Variants in STK38L observed in about 807,000 individuals in gnomAD.
STK38L encodes serine/threonine-protein kinase 38-like.
Under a neutral mutation model 59.7 loss-of-function variants are expected in STK38L, and 28 were observed. The ratio of observed to expected loss-of-function variants is 0.47; its 90% CI spans 0.35 to 0.64. The LOEUF (loss-of-function observed/expected upper bound fraction) is 0.64, where lower values mean the gene tolerates loss of function less well. Ranked by LOEUF, STK38L falls within the 30% of genes least tolerant of loss-of-function variation. The pLI is 0.01. For missense variants in STK38L, 314 were observed against 555.8 expected (o/e 0.56, Z 4.37); for synonymous variants, 162 against 176.8 (o/e 0.92, Z 0.66).
At chr12:27,256,948 T>C (rs1232791803) in intron 1 of STK38L, among the ~76,000 whole-genome samples, 5 of 152,204 alleles carry the variant, frequency 3.3e-5, no homozygotes, top group African/African-American at 1.2e-4. Context: ...TAAAGGAACA[T>C]AGGGCTTCTC....
In STK38L at chr12:27,308,324, GT is replaced by G. The variant is rs768230650; in HGVS notation, c.187-6del. ...AATTATAAAATCATCCGTTTAAATTGTTTTTTTTTAATAGAAAAAGTTACGT... is the reference window on the plus strand; with the variant it reads ...AATTATAAAATCATCCGTTTAAATTGTTTTTTTTAATAGAAAAAGTTACGT... On this transcript the variant is annotated splice_polypyrimidine_tract_variant and intron_variant, in intron 3 of 13. Coordinates refer to ENST00000389032, the MANE Select transcript of STK38L (RefSeq NM_015000.4). This position sits in a 1 kb window ranked among gnomAD's most constrained non-coding sequence, Gnocchi z 4.5. The G allele has an allele frequency of 1.6e-4, 246 of 1,501,148 alleles. No individual in the cohort carries two copies. Among genetic ancestry groups the G allele is most frequent in the African/African-American group, 4.9e-4 (34 of 70,096 alleles). The allele number at this position is 1,501,148 out of a possible 1,614,324, so 93.0% of individuals were successfully genotyped here.
chr12:27,318,026 G>A lies in STK38L; in HGVS notation c.1079+7G>A, dbSNP rs771551912. The A allele has an allele frequency of 1.9e-6, 3 of 1,613,542 alleles. No individual in the cohort carries two copies. Among genetic ancestry groups the A allele is most frequent in the Non-Finnish European group, 1.7e-6 (2 of 1,179,830 alleles). On this transcript the variant is annotated splice_region_variant and intron_variant, in intron 11 of 13. Transcript: ENST00000389032. ...CCAAGGACTTAATTCTCAGGTTAGT[G>A]GTTAAATTCCTAGAGGAGTTCATAG...
At chr12:27,276,451 GGACCAC>G (rs1943539938) in intron 1 of STK38L, among the ~76,000 whole-genome samples, 3 of 151,988 alleles carry the variant, frequency 2.0e-5, no homozygotes, top group Non-Finnish European at 4.4e-5. Context: ...GCTGTTCCCA[GGACCAC>G]GACTTCCACC....
At chr12:27,244,508 A>G (rs1321342534) in intron 1 of STK38L, among the ~76,000 whole-genome samples, 176 bp downstream of exon 1, 1 of 152,152 alleles carries the variant, frequency 6.6e-6, no homozygotes, top group Non-Finnish European at 1.5e-5. Flanking sequence ...TGGCCCTCTT[A>G]TTCCCCGGGG....
At chr12:27,268,774 GCA>G (rs1565529058) in intron 1 of STK38L, among the ~76,000 whole-genome samples, 1 of 152,104 alleles carries the variant, frequency 6.6e-6, no homozygotes, top group Non-Finnish European at 1.5e-5. Flanking sequence ...ATCCTCTCCA[GCA>G]CCTGTTGTTT....
At chr12:27,278,999 C>G (rs1943595356) in intron 1 of STK38L, among the ~76,000 whole-genome samples, 1 of 152,154 alleles carries the variant, frequency 6.6e-6, no homozygotes, top group African/African-American at 2.4e-5. Context: ...TAGGGGCCTG[C>G]CCAAATAGAT....
At position 27,317,468 on chromosome 12, in the gene STK38L, T is replaced by G. The variant is rs1360144743; in HGVS notation, c.955+15T>G. ...AATGCTAATAGGTATGTTTTATCAT[T>G]CATTTATGTACAAAATATATACATT... On this transcript the variant is annotated intron_variant, in intron 10 of 13. Transcript: ENST00000389032. 6.4e-7 allele frequency: 1 copy of G among 1,551,330 alleles called. No individual in the cohort carries two copies. The highest frequency in any genetic ancestry group is 1.7e-4 in the Middle Eastern group (1 of 5,898).
rs1944817962 is a variant in STK38L at position 27,325,414 on chromosome 12, T to TA, written c.*2963dup. 6.6e-6 allele frequency: 1 copy of TA among 152,218 alleles called. No individual in the cohort carries two copies. Among genetic ancestry groups the TA allele is most frequent in the Non-Finnish European group, 1.5e-5 (1 of 68,020 alleles). The allele number at this position is 152,218 out of a possible 1,614,324, so 9.4% of individuals were successfully genotyped here. A position where few individuals can be genotyped will look rare whatever the true frequency, so the allele number is the denominator to read the frequency against. On this transcript the variant is annotated 3_prime_UTR_variant, in exon 14 of 14. Coordinates refer to ENST00000389032, the MANE Select transcript of STK38L (RefSeq NM_015000.4). ...CATTTATTTTTGGTGTTTTATTGTATAAAACCTTAGACAATCAATCAGTCA... is the reference window on the plus strand; with the variant it reads ...CATTTATTTTTGGTGTTTTATTGTATAAAAACCTTAGACAATCAATCAGTCA...
rs2136645120 is a variant in STK38L at position 27,308,485 on chromosome 12, T to A, written c.309+24T>A. On this transcript the variant is annotated intron_variant, in intron 4 of 13. Transcript: ENST00000389032. This position sits in a 1 kb window ranked among gnomAD's most constrained non-coding sequence, Gnocchi z 4.5. ...AGGTGTGCTTCTTTTTAAAAGTCACTACTGCTGCAAATATATATCTTAAGA... is the reference window on the plus strand; with the variant it reads ...AGGTGTGCTTCTTTTTAAAAGTCACAACTGCTGCAAATATATATCTTAAGA... The A allele has an allele frequency of 6.5e-7, 1 of 1,542,558 alleles. No individual in the cohort carries two copies. Among genetic ancestry groups the A allele is most frequent in the East Asian group, 2.3e-5 (1 of 42,714 alleles).
At chr12:27,314,436 A>C in intron 6 of STK38L, 68 bp from the exon 7 acceptor site, 1 of 1,263,678 alleles carries the variant, frequency 7.9e-7, no homozygotes, top group South Asian at 2.2e-5. Flanking sequence ...AAAGCAGGAA[A>C]GCTTTTACAA....
At chr12:27,301,371 G>A (rs1944166343) in intron 2 of STK38L, among the ~76,000 whole-genome samples, 1 of 152,164 alleles carries the variant, frequency 6.6e-6, no homozygotes, top group South Asian at 2.1e-4. Flanking sequence ...CAATTCTCCT[G>A]CCTCAGCCTC....
chr12:27,306,576 G>A (rs1289284098), intron 3 of STK38L, among the ~76,000 whole-genome samples: 1 of 152,004 alleles, frequency 6.6e-6, no homozygotes, highest in African/African-American at 2.4e-5. Context: ...GCAAAAAATA[G>A]TCTTCACTAT....
intron 1 of STK38L, among the ~76,000 whole-genome samples, chr12:27,279,462 C>T (rs991198664): frequency 7.2e-5 from 11 of 151,992 alleles, no homozygotes; most frequent in Non-Finnish European, 1.5e-4. Context: ...TGGTGGCTCA[C>T]GCCTGTAATC....
Position 27,308,648 on chromosome 12 carries a change from C to G in STK38L, c.309+187C>G, listed in dbSNP as rs1323732784. ...GAGACCAGCCTGGCCAGTGAAACCC[C>G]GTCTCTATAAAAATACAAAAATTAG... is the stretch of plus-strand genomic sequence containing the variant. On this transcript the variant is annotated intron_variant, in intron 4 of 13. Coordinates refer to ENST00000389032, the MANE Select transcript of STK38L (RefSeq NM_015000.4). The surrounding 1 kb of genome is among the most constrained non-coding windows in gnomAD (Gnocchi z 4.5). Among the ~76,000 whole-genome samples, 2 of 151,720 alleles carry G rather than the reference C, an allele frequency of 1.3e-5. No homozygotes were observed. Among genetic ancestry groups the G allele is most frequent in the African/African-American group, 4.8e-5 (2 of 41,322 alleles).
intron 1 of STK38L, among the ~76,000 whole-genome samples, chr12:27,265,992 T>C (rs1943294192): frequency 6.6e-6 from 1 of 152,158 alleles, no homozygotes; most frequent in Non-Finnish European, 1.5e-5. Context: ...CTGCTACCCT[T>C]CACCAGGTAG....
At position 27,270,682 on chromosome 12, in the gene STK38L, T is replaced by A. The variant is rs117989333; in HGVS notation, c.-12+26350T>A. Among the ~76,000 whole-genome samples the A allele has an allele frequency of 8.6e-3, 1,307 of 152,142 alleles. 8 individuals are homozygous for A. The highest frequency in any genetic ancestry group is 0.014 in the Non-Finnish European group (973 of 67,982). On this transcript the variant is annotated intron_variant, in intron 1 of 13. Coordinates refer to ENST00000389032, the MANE Select transcript of STK38L (RefSeq NM_015000.4). ...CGTGAGCCACCGCACCCAGCGCTTTTAAATTTTTTTTTATGGAGACAGGGC... is the reference window on the plus strand; with the variant it reads ...CGTGAGCCACCGCACCCAGCGCTTTAAAATTTTTTTTTATGGAGACAGGGC...
At chr12:27,313,189 A>T (rs61915944) in intron 6 of STK38L, among the ~76,000 whole-genome samples, 1 of 150,544 alleles carries the variant, frequency 6.6e-6, no homozygotes. Flanking sequence ...CGGAGCTTGC[A>T]GTGAGCCGAG....
rs1944361882 is a variant in STK38L, at chr12:27,308,191, A to G, written c.187-148A>G. On this transcript the variant is annotated intron_variant, in intron 3 of 13. Coordinates refer to ENST00000389032, the MANE Select transcript of STK38L (RefSeq NM_015000.4). The surrounding 1 kb of genome is among the most constrained non-coding windows in gnomAD (Gnocchi z 4.5). Reference sequence around the variant, plus strand: ...ATTTATCAGTTGTTAAAAATTTTAGAAAGTTTTCTTTAAATTGTTTTAGCC... The same window carrying G: ...ATTTATCAGTTGTTAAAAATTTTAGGAAGTTTTCTTTAAATTGTTTTAGCC... 3.1e-6 allele frequency: 2 copies of G among 651,688 alleles called. No homozygotes were observed. The highest frequency in any genetic ancestry group is 4.1e-6 in the Non-Finnish European group (2 of 484,240). The allele number at this position is 651,688 out of a possible 1,614,324, so 40.4% of individuals were successfully genotyped here.
At chr12:27,313,365 GGTTTT>G (rs201429443) in intron 6 of STK38L, among the ~76,000 whole-genome samples, 10,621 of 151,986 alleles carry the variant, frequency 0.07, 474 homozygotes, top group Non-Finnish European at 0.1. Context: ...AAGAATTCTG[GGTTTT>G]GTTTTGTTTT....
Sources: allele counts gnomAD v4.1 joint callset (sites outside exome capture counted in the v4.1 genomes callset), GRCh38; gene constraint gnomAD v4.1.1; non-coding constraint Gnocchi (gnomAD v3.1); transcripts MANE v1.5; gene names NCBI Gene and HGNC (gene_info 2026-07-23, HGNC 2026-07-21).